Variants in MGAT5B observed in about 807,000 individuals in gnomAD.
The protein encoded by MGAT5B is N-acetylglucosaminyl-transferase Vb.
In MGAT5B, 54 loss-of-function variants were observed where a neutral mutation model predicts 95.1. The ratio of observed to expected loss-of-function variants is 0.57; its 90% CI spans 0.46 to 0.71. The LOEUF (loss-of-function observed/expected upper bound fraction) is 0.71, where lower values mean the gene tolerates loss of function less well. Among genes scored for constraint, MGAT5B ranks in the 30% least tolerant of loss-of-function variants. The pLI is 0.00. For missense variants in MGAT5B, 935 were observed against 1,088.6 expected (o/e 0.86, Z 1.99); for synonymous variants, 464 against 451.0 (o/e 1.03, Z -0.36).
At chr17:76,883,985 C>T (rs1967527698) in intron 3 of MGAT5B, among the ~76,000 whole-genome samples, 1 of 152,208 alleles carries the variant, frequency 6.6e-6, no homozygotes, top group Admixed American at 6.5e-5. Flanking sequence ...TGGGGCCAAC[C>T]TCTAACTGGC....
chr17:76,874,630 A>G (rs1302852210), intron 2 of MGAT5B, among the ~76,000 whole-genome samples: 1 of 151,948 alleles, frequency 6.6e-6, no homozygotes, highest in African/African-American at 2.4e-5. Flanking sequence ...GGAATTAGGG[A>G]TGGGGGAGAG....
In MGAT5B at chr17:76,938,434, C is replaced by A. The variant is rs937653819; in HGVS notation, c.1584+291C>A. Among the ~76,000 whole-genome samples, 1 of 152,214 alleles carries A rather than the reference C, an allele frequency of 6.6e-6. No individual in the cohort carries two copies. Among genetic ancestry groups the A allele is most frequent in the Non-Finnish European group, 1.5e-5 (1 of 68,036 alleles). On this transcript the variant is annotated intron_variant, in intron 13 of 17. Coordinates refer to ENST00000569840, the MANE Select transcript of MGAT5B (RefSeq NM_001199172.2). This position sits in a 1 kb window ranked among gnomAD's most constrained non-coding sequence, Gnocchi z 4.3. Reference sequence around the variant, plus strand: ...ACTGCCCATCCTCCCCCTTGCAGTACCAGTCCAGCCAAATGGACTCCTGGG... The same window carrying A: ...ACTGCCCATCCTCCCCCTTGCAGTAACAGTCCAGCCAAATGGACTCCTGGG...
chr17:76,898,005 G>A (rs537031320), intron 3 of MGAT5B, among the ~76,000 whole-genome samples: 71 of 151,756 alleles, frequency 4.7e-4, no homozygotes, highest in Non-Finnish European at 7.5e-4. Context: ...GCAGTGAGCC[G>A]GGATTGTGTC....
intron 8 of MGAT5B, among the ~76,000 whole-genome samples, chr17:76,909,272 A>G (rs1335209046): frequency 6.6e-6 from 1 of 152,162 alleles, no homozygotes; most frequent in Non-Finnish European, 1.5e-5. Flanking sequence ...CTACTCTGCT[A>G]TCTAACGTAG....
rs921670953 is a variant in MGAT5B, at chr17:76,915,538, T to C, written c.1025+9351T>C. Among the ~76,000 whole-genome samples, 1 of 152,074 alleles carries C rather than the reference T, an allele frequency of 6.6e-6. No individual in the cohort carries two copies. The highest frequency in any genetic ancestry group is 2.4e-5 in the African/African-American group (1 of 41,388). ...CGAAACAAACAGGATTCGAACCAAA[T>C]ATGGCAAAATGTTAAGGCTTGATGA... On this transcript the variant is annotated intron_variant, in intron 8 of 17. Coordinates refer to ENST00000569840, the MANE Select transcript of MGAT5B (RefSeq NM_001199172.2). The surrounding 1 kb of genome is among the most constrained non-coding windows in gnomAD (Gnocchi z 8.7).
chr17:76,896,737 A>G (rs1450627816), intron 3 of MGAT5B, among the ~76,000 whole-genome samples: 2 of 152,146 alleles, frequency 1.3e-5, no homozygotes, highest in Non-Finnish European at 1.5e-5. Flanking sequence ...ACTCTTTCCA[A>G]TACATCTCTG....
chr17:76,915,883 G>A lies in MGAT5B; in HGVS notation c.1026-9083G>A, dbSNP rs187635734. Among the ~76,000 whole-genome samples, 89 of 152,338 alleles carry A rather than the reference G, an allele frequency of 5.8e-4. No homozygotes were observed. The highest frequency in any genetic ancestry group is 1.1e-3 in the African/African-American group (46 of 41,574). On this transcript the variant is annotated intron_variant, in intron 8 of 17. Coordinates refer to ENST00000569840, the MANE Select transcript of MGAT5B (RefSeq NM_001199172.2). The surrounding 1 kb of genome is among the most constrained non-coding windows in gnomAD (Gnocchi z 8.7). ...CGAGCGCAGGAGCACACATCCCAGC[G>A]GAGAGGCCTGGCAGCCAGACACCTG...
At chr17:76,945,382 C>T (rs916529178) in intron 15 of MGAT5B, among the ~76,000 whole-genome samples, 11 of 152,178 alleles carry the variant, frequency 7.2e-5, no homozygotes, top group African/African-American at 2.7e-4. Flanking sequence ...CTCCACCTCC[C>T]AGGTTCAAGT....
chr17:76,897,022 G>A (rs1248203970), intron 3 of MGAT5B, among the ~76,000 whole-genome samples: 3 of 151,946 alleles, frequency 2.0e-5, no homozygotes, highest in Non-Finnish European at 4.4e-5. Flanking sequence ...GGGCGCAAAC[G>A]ATCCTCCTGC....
intron 8 of MGAT5B, among the ~76,000 whole-genome samples, chr17:76,923,162 C>T (rs562119824): frequency 1.3e-5 from 2 of 152,224 alleles, no homozygotes; most frequent in African/African-American, 2.4e-5. Flanking sequence ...TCTGAGCATG[C>T]GCAAAGCGAG....
At chr17:76,898,422 G>A (rs951993629) in intron 3 of MGAT5B, among the ~76,000 whole-genome samples, 6 of 150,494 alleles carry the variant, frequency 4.0e-5, no homozygotes, top group Admixed American at 6.6e-5. Context: ...TCTGCCTCCC[G>A]GGTTCAAGCG....
intron 2 of MGAT5B, among the ~76,000 whole-genome samples, chr17:76,878,694 T>C (rs1967288921): frequency 6.6e-6 from 1 of 152,162 alleles, no homozygotes. Context: ...AGGCTGGTCT[T>C]GAACTCCCGA....
At chr17:76,888,358 C>T (rs541793624) in intron 3 of MGAT5B, among the ~76,000 whole-genome samples, 4 of 152,086 alleles carry the variant, frequency 2.6e-5, no homozygotes, top group East Asian at 1.9e-4. Context: ...AGAGACATGG[C>T]GACAGAGAGG....
chr17:76,917,196 C>T lies in MGAT5B; in HGVS notation c.1026-7770C>T, dbSNP rs115231075. Among the ~76,000 whole-genome samples the T allele has an allele frequency of 5.8e-3, 890 of 152,296 alleles. 10 individuals are homozygous for T. Among genetic ancestry groups the T allele is most frequent in the African/African-American group, 0.02 (820 of 41,546 alleles). ...ATTCAGCACACACAGGCCAGTGGCT[C>T]GGGATACGAGTGCGCTGACTGATGA... On this transcript the variant is annotated intron_variant, in intron 8 of 17. Transcript: ENST00000569840. This position sits in a 1 kb window ranked among gnomAD's most constrained non-coding sequence, Gnocchi z 6.1.
intron 8 of MGAT5B, among the ~76,000 whole-genome samples, chr17:76,922,774 G>T (rs1367642969): frequency 6.6e-6 from 1 of 152,248 alleles, no homozygotes; most frequent in Non-Finnish European, 1.5e-5. Flanking sequence ...AGGTTGGAGG[G>T]ATGGAGGAGC....
rs528057017 is a variant in MGAT5B at position 76,914,427 on chromosome 17, G to T, written c.1025+8240G>T. On this transcript the variant is annotated intron_variant, in intron 8 of 17. Coordinates refer to ENST00000569840, the MANE Select transcript of MGAT5B (RefSeq NM_001199172.2). This position sits in a 1 kb window ranked among gnomAD's most constrained non-coding sequence, Gnocchi z 5.1. ...TGACCAGTCAAAAGACCACATGCTG[G>T]GGGGTGTAAACCACACAAATGTGTC... 1.3e-5 allele frequency among the ~76,000 whole-genome samples: 2 copies of T among 152,290 alleles called. No homozygotes were observed. The highest frequency in any genetic ancestry group is 1.3e-4 in the Admixed American group (2 of 15,300).
chr17:76,879,298 C>T (rs1296778393), intron 2 of MGAT5B, among the ~76,000 whole-genome samples: 3 of 152,134 alleles, frequency 2.0e-5, no homozygotes, highest in Admixed American at 1.3e-4. Context: ...GGGAACACAG[C>T]GTCACCCCAA....
In MGAT5B at chr17:76,918,046, A is replaced by G. The variant is rs1377569078; in HGVS notation, c.1026-6920A>G. Among the ~76,000 whole-genome samples the G allele has an allele frequency of 6.6e-6, 1 of 152,184 alleles. No homozygotes were observed. The highest frequency in any genetic ancestry group is 1.5e-5 in the Non-Finnish European group (1 of 68,036). On this transcript the variant is annotated intron_variant, in intron 8 of 17. Transcript: ENST00000569840. The surrounding 1 kb of genome is among the most constrained non-coding windows in gnomAD (Gnocchi z 5.1). The stretch of plus-strand genomic sequence containing the variant: ...GGTCTCCTCCAGCTCTCCTGGGAGC[A>G]TGGCCCTATTCTTAGCACTGAGTTT...
In MGAT5B at chr17:76,946,251, C is replaced by T. The variant is rs1022077051; in HGVS notation, c.1849-125C>T. 1.6e-5 allele frequency: 12 copies of T among 732,588 alleles called. 1 individual carries two copies. The highest frequency in any genetic ancestry group is 9.9e-5 in the South Asian group (5 of 50,740). The allele number at this position is 732,588 out of a possible 1,614,324, so 45.4% of individuals were successfully genotyped here. On this transcript the variant is annotated intron_variant, in intron 15 of 17. Transcript: ENST00000569840. ...GGAAGGGCCAGGTGGATGGGGTGGTCGGCTCCCTGGGCATGGCACAGGATG... is the reference window on the plus strand; with the variant it reads ...GGAAGGGCCAGGTGGATGGGGTGGTTGGCTCCCTGGGCATGGCACAGGATG...
Sources: gnomAD v4.1 joint callset for allele counts (sites outside exome capture counted in the v4.1 genomes callset) on GRCh38, gnomAD v4.1.1 for gene constraint, Gnocchi (gnomAD v3.1) non-coding constraint, MANE v1.5 for transcripts, NCBI Gene and HGNC (gene_info 2026-07-23, HGNC 2026-07-21) for gene names.